SNX29: variants seen among roughly 807,000 people sequenced by gnomAD.
The protein encoded by SNX29 is sorting nexin 29.
Under a neutral mutation model 102.1 loss-of-function variants are expected in SNX29, and 78 were observed. That is an observed-to-expected ratio of 0.76 (90% CI 0.64 to 0.92). The LOEUF is 0.92. Among genes scored for constraint, SNX29 ranks in the 40% least tolerant of loss-of-function variants. The pLI is 0.00. For synonymous variants in SNX29, 580 were observed against 414.5 expected (o/e 1.40, Z -4.85); for missense variants, 1,280 against 1,061.7 (o/e 1.21, Z -2.86).
At chr16:12,407,498 C>G (rs2084214414) in intron 18 of SNX29, among the ~76,000 whole-genome samples, 1 of 152,092 alleles carries the variant, frequency 6.6e-6, no homozygotes, top group Non-Finnish European at 1.5e-5. Context: ...TGAAAACAGT[C>G]CAAAGTTTAG....
chr16:12,354,692 G>A (rs1393178681), intron 15 of SNX29, among the ~76,000 whole-genome samples: 3 of 152,202 alleles, frequency 2.0e-5, no homozygotes, highest in Admixed American at 6.5e-5. Flanking sequence ...AAGCTCGTGG[G>A]GGGTTTATGT....
intron 18 of SNX29, among the ~76,000 whole-genome samples, chr16:12,474,657 T>C (rs979366675): frequency 6.6e-6 from 1 of 152,226 alleles, no homozygotes. Context: ...AACGAGGTTT[T>C]AAAGATGTGT....
intron 15 of SNX29, among the ~76,000 whole-genome samples, chr16:12,322,822 G>A (rs1008575086): frequency 2.0e-5 from 3 of 151,422 alleles, no homozygotes; most frequent in Non-Finnish European, 2.9e-5. Flanking sequence ...TGGAATCACT[G>A]ATGACCACTG....
chr16:12,286,837 C>G lies in SNX29; in HGVS notation c.1782+8801C>G, dbSNP rs533408673. On this transcript the variant is annotated intron_variant, in intron 15 of 20. Transcript: ENST00000566228. ...GGTATTTTGAAGAAAATCCCAGGTT[C>G]CATATTATTACATTCCTGAGTATTT... is the stretch of plus-strand genomic sequence containing the variant. 3.3e-5 allele frequency among the ~76,000 whole-genome samples: 5 copies of G among 152,186 alleles called. 1 individual carries two copies. The highest frequency in any genetic ancestry group is 1.2e-4 in the African/African-American group (5 of 41,524).
chr16:12,415,311 C>A (rs969573430), intron 18 of SNX29, among the ~76,000 whole-genome samples: 3 of 152,222 alleles, frequency 2.0e-5, no homozygotes, highest in South Asian at 4.1e-4. Flanking sequence ...GCTGAGACAG[C>A]CTTGCTGCCC....
rs1567230180 is a variant in SNX29, at chr16:12,571,605, G to C, written c.*2976G>C. 9.4e-7 allele frequency: 1 copy of C among 1,060,860 alleles called. No homozygotes were observed. Among genetic ancestry groups the C allele is most frequent in the East Asian group, 5.1e-5 (1 of 19,556 alleles). The allele number at this position is 1,060,860 out of a possible 1,614,324, so 65.7% of individuals were successfully genotyped here. A position where few individuals can be genotyped will look rare whatever the true frequency, so the allele number is the denominator to read the frequency against. Reference sequence around the variant, plus strand: ...CCTGCTGTGCTGAAACAGAACAGCAGGTTCCATCTTTCACATCTTTTTTTC... The same window carrying C: ...CCTGCTGTGCTGAAACAGAACAGCACGTTCCATCTTTCACATCTTTTTTTC... On this transcript the variant is annotated 3_prime_UTR_variant, in exon 21 of 21. Coordinates refer to ENST00000566228, the MANE Select transcript of SNX29 (RefSeq NM_032167.5).
chr16:12,349,675 G>A lies in SNX29; in HGVS notation c.1783-6488G>A, dbSNP rs115337611. On this transcript the variant is annotated intron_variant, in intron 15 of 20. Coordinates refer to ENST00000566228, the MANE Select transcript of SNX29 (RefSeq NM_032167.5). ...TGAGCATTTTGGATAAGGGATACTT[G>A]TATAGGCATCTAAAAGAATGACAGG... Among the ~76,000 whole-genome samples the A allele has an allele frequency of 6.6e-3, 1,010 of 152,280 alleles. 10 individuals are homozygous for A. Among genetic ancestry groups the A allele is most frequent in the African/African-American group, 0.023 (965 of 41,556 alleles).
chr16:12,281,702 A>G (rs900350925), intron 15 of SNX29, among the ~76,000 whole-genome samples: 1 of 152,014 alleles, frequency 6.6e-6, no homozygotes, highest in East Asian at 1.9e-4. Flanking sequence ...TGAGGAGGAC[A>G]CTCTTGCTGC....
At chr16:12,565,230 C>G (rs1272573607) in intron 20 of SNX29, among the ~76,000 whole-genome samples, 1 of 152,180 alleles carries the variant, frequency 6.6e-6, no homozygotes, top group African/African-American at 2.4e-5. Flanking sequence ...CAGTATTAGG[C>G]TGTTCTCAAT....
At chr16:12,465,523 A>G (rs2087010549) in intron 18 of SNX29, among the ~76,000 whole-genome samples, 1 of 152,046 alleles carries the variant, frequency 6.6e-6, no homozygotes, top group Non-Finnish European at 1.5e-5. Context: ...TTGACCATAT[A>G]TGTGTGGATT....
chr16:12,020,118 G>A (rs960239648), intron 3 of SNX29, among the ~76,000 whole-genome samples: 2 of 151,268 alleles, frequency 1.3e-5, no homozygotes, highest in Non-Finnish European at 2.9e-5. Context: ...TATTTAGGCA[G>A]TTTCTAAACT....
At chr16:12,296,832 G>C (rs1202635095) in intron 15 of SNX29, among the ~76,000 whole-genome samples, 1 of 152,210 alleles carries the variant, frequency 6.6e-6, no homozygotes, top group Non-Finnish European at 1.5e-5. Context: ...GGACTAAAGC[G>C]AGGCCCACCT....
chr16:12,222,645 T>C (rs2077507876), intron 14 of SNX29, among the ~76,000 whole-genome samples: 1 of 152,214 alleles, frequency 6.6e-6, no homozygotes, highest in Admixed American at 6.5e-5. Flanking sequence ...CTTGGCTCCC[T>C]GCAACTTCTG....
chr16:11,990,198 C>A (rs111530303), intron 1 of SNX29, among the ~76,000 whole-genome samples: 1 of 152,210 alleles, frequency 6.6e-6, no homozygotes, highest in East Asian at 1.9e-4. Context: ...TGTTTCATGT[C>A]GAGTTGGCTG....
At chr16:12,567,033 C>T (rs951534148) in intron 20 of SNX29, among the ~76,000 whole-genome samples, 2 of 151,586 alleles carry the variant, frequency 1.3e-5, no homozygotes, top group African/African-American at 2.4e-5. Flanking sequence ...AGATTCACTC[C>T]TGAGATACAT....
intron 18 of SNX29, among the ~76,000 whole-genome samples, chr16:12,442,603 G>A (rs1289396795): frequency 7.3e-6 from 1 of 137,258 alleles, no homozygotes; most frequent in African/African-American, 2.7e-5. Flanking sequence ...TTTTTTTTTT[G>A]ATATAGGGTC....
At chr16:12,329,558 A>T (rs1596937906) in intron 15 of SNX29, among the ~76,000 whole-genome samples, 1 of 152,244 alleles carries the variant, frequency 6.6e-6, no homozygotes, top group East Asian at 1.9e-4. Context: ...GGTTTTTATG[A>T]TTGTATTTTT....
intron 14 of SNX29, among the ~76,000 whole-genome samples, chr16:12,271,266 T>G (rs2079084877): frequency 6.6e-6 from 1 of 152,246 alleles, no homozygotes; most frequent in Admixed American, 6.5e-5. Context: ...AGTTGGAGGC[T>G]GCGGTTGTCC....
At chr16:12,139,979 TCAAAA>T (rs1273328753) in intron 13 of SNX29, among the ~76,000 whole-genome samples, 7 of 63,058 alleles carry the variant, frequency 1.1e-4, no homozygotes, top group Admixed American at 3.6e-4. Context: ...ATACCCTGTC[TCAAAA>T]AAAAAAAAAA....
Sources: allele counts gnomAD v4.1 joint callset (sites outside exome capture counted in the v4.1 genomes callset), GRCh38; gene constraint gnomAD v4.1.1; transcripts MANE v1.5; gene names NCBI Gene and HGNC (gene_info 2026-07-23, HGNC 2026-07-21).